MRC1: variants seen among roughly 807,000 people sequenced by gnomAD.
MRC1 encodes the protein mannose receptor C-type 1.
Under a neutral mutation model 102.9 loss-of-function variants are expected in MRC1, and 62 were observed. That is an observed-to-expected ratio of 0.60 (90% CI 0.49 to 0.74). The LOEUF (loss-of-function observed/expected upper bound fraction) is 0.74. Among genes scored for constraint, MRC1 ranks in the 30% least tolerant of loss-of-function variants. MRC1 has a pLI of 0.00. For missense variants in MRC1, 1,237 were observed against 862.8 expected (o/e 1.43, Z -5.43); for synonymous variants, 457 against 298.4 (o/e 1.53, Z -5.48).
At chr10:17,898,374 G>C (rs1053295084) in intron 24 of MRC1, 108 bp downstream of exon 24, 1 of 769,446 alleles carries the variant, frequency 1.3e-6, no homozygotes, top group Non-Finnish European at 2.4e-6. Context: ...AAGAGACTGT[G>C]CTAGGCAATG....
At chr10:17,816,851 T>C (rs1430577277) in intron 1 of MRC1, among the ~76,000 whole-genome samples, 2 of 152,208 alleles carry the variant, frequency 1.3e-5, no homozygotes. Flanking sequence ...CATATCATAC[T>C]TATCTCCCTG....
intron 7 of MRC1, among the ~76,000 whole-genome samples, chr10:17,852,060 G>A (rs1249928800): frequency 1.3e-5 from 2 of 152,206 alleles, no homozygotes; most frequent in East Asian, 3.9e-4. Flanking sequence ...ATTGATTTGT[G>A]TATTCTTTAA....
At chr10:17,873,964 A>G in intron 16 of MRC1, 139 bp downstream of exon 16, 1 of 695,240 alleles carries the variant, frequency 1.4e-6, no homozygotes, top group Non-Finnish European at 2.6e-6. Context: ...ACGTCATGGA[A>G]ATTTGGGTCT....
intron 4 of MRC1, among the ~76,000 whole-genome samples, chr10:17,834,412 GTTGTT>G (rs1193733413): frequency 6.6e-6 from 1 of 151,968 alleles, no homozygotes; most frequent in South Asian, 2.1e-4. Flanking sequence ...TTTGTGTTGT[GTTGTT>G]TTGTTTTGTT....
chr10:17,893,736 A>G (rs996975720), intron 22 of MRC1, among the ~76,000 whole-genome samples: 1 of 152,364 alleles, frequency 6.6e-6, no homozygotes, highest in Non-Finnish European at 1.5e-5. Flanking sequence ...ATAAGATGTG[A>G]AACTTTCTGG....
chr10:17,853,054 C>T lies in MRC1; in HGVS notation c.1337C>T (p.Thr446Ile). The T allele has an allele frequency of 1.3e-6, 1 of 780,720 alleles. No homozygotes were observed. The highest frequency in any genetic ancestry group is 2.4e-6 in the Non-Finnish European group (1 of 417,932). 48.4% of individuals were successfully genotyped at this position (780,720 alleles called of 1,614,324 possible). The change falls in exon 8 of 30, where the codon ACC (threonine) becomes ATC (isoleucine). Residue 446 changes from threonine to isoleucine, a missense_variant. Transcript: ENST00000569591. Reference protein sequence around the residue: ...EWSDGTPVTFTKWLRGEPSHE... With the variant: ...EWSDGTPVTFIKWLRGEPSHE... The stretch of plus-strand genomic sequence containing the variant: ...AGTGATGGGACCCCTGTAACGTTTA[C>T]CAAATGGCTTCGTGGAGAACCAAGC...
intron 1 of MRC1, among the ~76,000 whole-genome samples, chr10:17,819,449 TTGTATGTG>T (rs1485877451): frequency 1.0e-5 from 1 of 98,968 alleles, no homozygotes; most frequent in African/African-American, 4.6e-5. Context: ...GAATTCAGAG[TTGTATGTG>T]TGTGTGTGTG....
At chr10:17,893,258 C>T (rs1053995215) in intron 22 of MRC1, among the ~76,000 whole-genome samples, 3 of 151,202 alleles carry the variant, frequency 2.0e-5, no homozygotes, top group East Asian at 2.0e-4. Flanking sequence ...CAGGCTCAAG[C>T]GATCCTCCCA....
intron 26 of MRC1, among the ~76,000 whole-genome samples, chr10:17,904,362 AT>A (rs1294197311): frequency 6.6e-6 from 1 of 151,858 alleles, no homozygotes. Context: ...TTTTTCCTTC[AT>A]TTTTTGTAAG....
At chr10:17,829,692 T>A (rs1359124723) in intron 3 of MRC1, among the ~76,000 whole-genome samples, 1 of 151,608 alleles carries the variant, frequency 6.6e-6, no homozygotes, top group Non-Finnish European at 1.5e-5. Context: ...TGATATTTTC[T>A]TAATCTGTTT....
chr10:17,815,966 G>A (rs896260160), intron 1 of MRC1, among the ~76,000 whole-genome samples: 15 of 152,112 alleles, frequency 9.9e-5, no homozygotes, highest in African/African-American at 3.1e-4. Context: ...CTGGGATTAC[G>A]GGCATGTGCG....
intron 28 of MRC1, among the ~76,000 whole-genome samples, chr10:17,908,040 C>G (rs927739691): frequency 6.6e-6 from 1 of 152,290 alleles, no homozygotes; most frequent in East Asian, 1.9e-4. Flanking sequence ...CAGCCCAAAC[C>G]TGAGGAGACC....
At chr10:17,899,296 G>A (rs1833797569) in intron 24 of MRC1, among the ~76,000 whole-genome samples, 1 of 152,254 alleles carries the variant, frequency 6.6e-6, no homozygotes, top group Non-Finnish European at 1.5e-5. Flanking sequence ...ACATTTTTAC[G>A]TCGCTGTTGA....
At chr10:17,841,317 T>C (rs1838745793) in intron 5 of MRC1, among the ~76,000 whole-genome samples, 1 of 152,248 alleles carries the variant, frequency 6.6e-6, no homozygotes, top group Non-Finnish European at 1.5e-5. Context: ...AATATTGCTG[T>C]CCTTGTGACA....
intron 4 of MRC1, 68 bp from the exon 5 acceptor site, chr10:17,840,625 A>G: frequency 2.6e-6 from 2 of 775,786 alleles, no homozygotes; most frequent in Non-Finnish European, 4.8e-6. Flanking sequence ...TTAGTTCTGA[A>G]TTTAATTTCA....
intron 23 of MRC1, among the ~76,000 whole-genome samples, chr10:17,894,560 T>C (rs1202336031): frequency 1.3e-5 from 2 of 151,746 alleles, no homozygotes; most frequent in South Asian, 4.2e-4. Flanking sequence ...CCACCACGCC[T>C]GGCTAATTTT....
chr10:17,828,859 G>C (rs1838524695), intron 3 of MRC1, among the ~76,000 whole-genome samples: 1 of 151,480 alleles, frequency 6.6e-6, no homozygotes. Flanking sequence ...TAGGCAAATA[G>C]TGAAGCACAT....
At chr10:17,850,879 G>C (rs1190804928) in intron 7 of MRC1, among the ~76,000 whole-genome samples, 1 of 152,142 alleles carries the variant, frequency 6.6e-6, no homozygotes, top group Non-Finnish European at 1.5e-5. Context: ...CCTGCCAAAT[G>C]GTATCCATCT....
At chr10:17,857,565 T>G (rs1303403477) in intron 9 of MRC1, among the ~76,000 whole-genome samples, 1 of 152,164 alleles carries the variant, frequency 6.6e-6, no homozygotes, top group Non-Finnish European at 1.5e-5. Flanking sequence ...TGCATTCTAA[T>G]AGATTTACAG....
Sources: allele counts gnomAD v4.1 joint callset (sites outside exome capture counted in the v4.1 genomes callset), GRCh38; gene constraint gnomAD v4.1.1; transcripts MANE v1.5; gene names NCBI Gene and HGNC (gene_info 2026-07-23, HGNC 2026-07-21).